Variants in RIMS1 observed in about 807,000 individuals in gnomAD.
RIMS1 encodes the protein regulating synaptic membrane exocytosis protein 1.
In RIMS1, 83 loss-of-function variants were observed where a neutral mutation model predicts 214.1. The observed-to-expected ratio is 0.39, with a 90% CI of 0.32 to 0.47. RIMS1 has a LOEUF of 0.47. Ranked by LOEUF, RIMS1 falls within the 20% of genes least tolerant of loss-of-function variation. The pLI, the probability that RIMS1 is intolerant of heterozygous loss-of-function variation, is 0.99. For missense variants in RIMS1, 2,050 were observed against 2,161.8 expected, an observed-to-expected ratio of 0.95 and a Z score of 1.03; for synonymous variants, 793 against 786.8, an observed-to-expected ratio of 1.01 and a Z score of -0.13.
chr6:72,149,513 T>G (rs1562432124), intron 4 of RIMS1, among the ~76,000 whole-genome samples: 1 of 151,726 alleles, frequency 6.6e-6, no homozygotes, highest in Non-Finnish European at 1.5e-5. Context: ...GAAGATTCCT[T>G]ACACCTGAGA....
intron 24 of RIMS1, among the ~76,000 whole-genome samples, chr6:72,288,093 CACAA>C (rs1405673706): frequency 3.9e-5 from 6 of 152,106 alleles, no homozygotes; most frequent in Non-Finnish European, 8.8e-5. Context: ...TCTCATGATA[CACAA>C]ACAATCCTAT....
intron 2 of RIMS1, among the ~76,000 whole-genome samples, chr6:72,073,745 G>C (rs571963391): frequency 6.6e-6 from 1 of 152,230 alleles, no homozygotes; most frequent in African/African-American, 2.4e-5. Context: ...CCTGGATTTT[G>C]TTCAGTTCTG....
chr6:72,276,410 A>G (rs191020000), intron 23 of RIMS1, among the ~76,000 whole-genome samples: 96 of 152,260 alleles, frequency 6.3e-4, no homozygotes, highest in Non-Finnish European at 1.0e-3. Flanking sequence ...TTCAAATAAT[A>G]CTTTCAGTTC....
At chr6:72,067,879 T>C (rs931884017) in intron 2 of RIMS1, among the ~76,000 whole-genome samples, 1 of 152,236 alleles carries the variant, frequency 6.6e-6, no homozygotes, top group Non-Finnish European at 1.5e-5. Flanking sequence ...AAAATCTATT[T>C]ATATATTCCT....
chr6:72,219,499 G>A (rs1432656139), intron 6 of RIMS1, among the ~76,000 whole-genome samples: 1 of 152,068 alleles, frequency 6.6e-6, no homozygotes, highest in African/African-American at 2.4e-5. Context: ...ACTTCTATGA[G>A]TCTTGAATAT....
intron 4 of RIMS1, among the ~76,000 whole-genome samples, chr6:72,123,180 CT>C (rs775348841): frequency 6.6e-6 from 1 of 151,702 alleles, no homozygotes; most frequent in Non-Finnish European, 1.5e-5. Context: ...TGTCTTTGTT[CT>C]CGTTGGTTTC....
intron 2 of RIMS1, among the ~76,000 whole-genome samples, chr6:71,974,542 G>T (rs1796682214): frequency 6.6e-6 from 1 of 152,152 alleles, no homozygotes; most frequent in Admixed American, 6.5e-5. Context: ...CTACTCTTCA[G>T]TCTCAGGCAC....
chr6:71,922,947 A>G (rs1050274674), intron 1 of RIMS1, among the ~76,000 whole-genome samples: 3 of 152,110 alleles, frequency 2.0e-5, no homozygotes, highest in Admixed American at 6.5e-5. Flanking sequence ...TAAGGTGTAC[A>G]TGCTCCATAA....
At chr6:72,274,719 T>A (rs59746947) in intron 23 of RIMS1, among the ~76,000 whole-genome samples, 257 of 152,298 alleles carry the variant, frequency 1.7e-3, no homozygotes, top group Middle Eastern at 6.8e-3. Context: ...CAAATTTAAA[T>A]ACTGTTTTTG....
At chr6:72,032,781 C>A (rs11753217) in intron 2 of RIMS1, among the ~76,000 whole-genome samples, 2,772 of 152,286 alleles carry the variant, frequency 0.018, 40 homozygotes, top group Non-Finnish European at 0.029. Context: ...ACCACTTATG[C>A]ATTTATTCAG....
intron 1 of RIMS1, among the ~76,000 whole-genome samples, chr6:71,937,351 C>G (rs1784753947): frequency 6.6e-6 from 1 of 152,122 alleles, no homozygotes; most frequent in African/African-American, 2.4e-5. Context: ...GCCTCAACCT[C>G]CCAGGCTCAA....
chr6:71,924,807 CAAAAAAAAAA>C (rs10652071), intron 1 of RIMS1, among the ~76,000 whole-genome samples: 2 of 62,082 alleles, frequency 3.2e-5, no homozygotes, highest in East Asian at 5.3e-4. Context: ...ACCCTGTCTC[CAAAAAAAAAA>C]AAAAAAAAAA....
intron 2 of RIMS1, among the ~76,000 whole-genome samples, chr6:72,019,621 G>A (rs1208638071): frequency 1.3e-5 from 2 of 152,164 alleles, no homozygotes; most frequent in African/African-American, 2.4e-5. Flanking sequence ...TTGAATGGCT[G>A]TAGACTTAAC....
In RIMS1 at chr6:71,887,187, A is replaced by T. The variant is rs777506314; in HGVS notation, c.164A>T (p.Lys55Met). ...EEEEKEEAML[K>M]CVVRDMAKPA... is the part of the protein sequence containing the mutation. ...GAGGAAAAAGAAGAAGCCATGCTCA[A>T]GTAAGCCAGCCCCAGCCGCGCCATC... Residue 55 changes from lysine (K) to methionine (M), a missense_variant and splice_region_variant, in exon 1 of 34, where the codon AAG (lysine) becomes ATG (methionine). This residue lies in a region of RIMS1 where 882 missense variants were observed against 828.9 expected (regional missense o/e 1.06). Coordinates refer to ENST00000521978, the MANE Select transcript of RIMS1 (RefSeq NM_014989.7). 1.2e-6 allele frequency: 2 copies of T among 1,603,054 alleles called. No individual in the cohort carries two copies. The highest frequency in any genetic ancestry group is 1.7e-6 in the Non-Finnish European group (2 of 1,175,282).
chr6:72,181,235 GC>G (rs1254063990), intron 5 of RIMS1, among the ~76,000 whole-genome samples: 1 of 152,164 alleles, frequency 6.6e-6, no homozygotes, highest in Non-Finnish European at 1.5e-5. Flanking sequence ...TCTCAATTAA[GC>G]TTTGTAAGAT....
chr6:72,296,648 G>GAGTTTTC (rs1338986783), intron 26 of RIMS1, among the ~76,000 whole-genome samples: 8 of 151,812 alleles, frequency 5.3e-5, no homozygotes, highest in Non-Finnish European at 1.0e-4. Flanking sequence ...ATTTGAACAT[G>GAGTTTTC]AGTTTTCAGC....
At chr6:72,018,162 T>C (rs1813371846) in intron 2 of RIMS1, among the ~76,000 whole-genome samples, 1 of 152,150 alleles carries the variant, frequency 6.6e-6, no homozygotes, top group South Asian at 2.1e-4. Flanking sequence ...TGAAGTAATA[T>C]AGATGAGAGG....
chr6:72,247,717 C>G (rs996726762), intron 11 of RIMS1, among the ~76,000 whole-genome samples: 1 of 152,092 alleles, frequency 6.6e-6, no homozygotes, highest in Non-Finnish European at 1.5e-5. Context: ...CAGGCACTAT[C>G]TTCCTTATCT....
chr6:72,332,484 A>G (rs539640581), intron 28 of RIMS1, among the ~76,000 whole-genome samples: 3 of 137,636 alleles, frequency 2.2e-5, no homozygotes, highest in East Asian at 2.3e-4. Context: ...GAATTGAACA[A>G]TGAGAACACA....
Sources: gnomAD v4.1 joint callset for allele counts (sites outside exome capture counted in the v4.1 genomes callset) on GRCh38, gnomAD v4.1.1 for gene constraint, gnomAD v4.1.1 regional missense constraint, MANE v1.5 for transcripts, NCBI Gene and HGNC (gene_info 2026-07-23, HGNC 2026-07-21) for gene names.